AKT3: variants seen among roughly 807,000 people sequenced by gnomAD.
The protein encoded by AKT3 is RAC-gamma serine/threonine-protein kinase.
Under a neutral mutation model 65.3 loss-of-function variants are expected in AKT3, and 15 were observed. The observed-to-expected ratio is 0.23, with a 90% CI of 0.15 to 0.35. AKT3 has a LOEUF of 0.35. AKT3 is among the 10% of genes least tolerant of loss of function. AKT3 has a pLI of 1.00. For synonymous variants in AKT3, 206 were observed against 183.8 expected, an observed-to-expected ratio of 1.12 and a Z score of -0.98; for missense variants, 243 against 576.5, an observed-to-expected ratio of 0.42 and a Z score of 5.92.
At position 243,501,102 on chromosome 1, in the gene AKT3, A is replaced by G. The variant is rs762363178; in HGVS notation, c.*4147T>C. 1 of 231,304 alleles carries G rather than the reference A, an allele frequency of 4.3e-6. No individual in the cohort carries two copies. Among genetic ancestry groups the G allele is most frequent in the Non-Finnish European group, 8.5e-6 (1 of 116,972 alleles). The allele number at this position is 231,304 out of a possible 1,614,324, so 14.3% of individuals were successfully genotyped here. On this transcript the variant is annotated 3_prime_UTR_variant, in exon 14 of 14. Transcript: ENST00000673466. ...TCAAATTTGGCCGTGTGACATACAC[A>G]TACATGCTTGACTCACTCTGGTCCC...
chr1:243,583,383 G>C (rs995550723), intron 8 of AKT3, among the ~76,000 whole-genome samples: 2 of 150,026 alleles, frequency 1.3e-5, no homozygotes, highest in African/African-American at 2.4e-5. Flanking sequence ...AGGCAGAAAA[G>C]TCACACATTC....
At chr1:243,728,668 T>C (rs1466871414) in intron 2 of AKT3, among the ~76,000 whole-genome samples, 5 of 152,172 alleles carry the variant, frequency 3.3e-5, no homozygotes, top group African/African-American at 1.2e-4. Context: ...TTTCAAAGAA[T>C]AACCACTTGA....
chr1:243,556,706 G>A (rs1401148727), intron 10 of AKT3, among the ~76,000 whole-genome samples: 2 of 152,080 alleles, frequency 1.3e-5, no homozygotes, highest in South Asian at 2.1e-4. Flanking sequence ...TACATTTCAG[G>A]TAACTGATAG....
At chr1:243,684,602 G>A (rs1684155521) in intron 3 of AKT3, among the ~76,000 whole-genome samples, 1 of 152,114 alleles carries the variant, frequency 6.6e-6, no homozygotes, top group Non-Finnish European at 1.5e-5. Flanking sequence ...ATTGTGAATA[G>A]GGCTGCAATA....
intron 2 of AKT3, among the ~76,000 whole-genome samples, chr1:243,821,461 A>G (rs1693850407): frequency 1.3e-5 from 2 of 152,192 alleles, no homozygotes; most frequent in Non-Finnish European, 2.9e-5. Flanking sequence ...AATGGGCCAA[A>G]TGTCCCAATT....
chr1:243,756,665 C>CA (rs1219047105), intron 2 of AKT3, among the ~76,000 whole-genome samples: 2 of 152,186 alleles, frequency 1.3e-5, no homozygotes, highest in African/African-American at 4.8e-5. Context: ...CACCACTTGA[C>CA]ATTCATCTTA....
In AKT3 at chr1:243,502,504, A is replaced by G. The variant is rs1426721600; in HGVS notation, c.*2745T>C. 4.3e-6 allele frequency: 1 copy of G among 233,146 alleles called. No individual in the cohort carries two copies. Among genetic ancestry groups the G allele is most frequent in the Non-Finnish European group, 8.5e-6 (1 of 118,030 alleles). 14.4% of individuals were successfully genotyped at this position (233,146 alleles called of 1,614,324 possible). On this transcript the variant is annotated 3_prime_UTR_variant, in exon 14 of 14. Transcript: ENST00000673466. Reference sequence around the variant, plus strand: ...CAGTTAGTATGGGCTGGAGTCTGCAAAGTCTGAACTGTATTCTCATAGAAT... The same window carrying G: ...CAGTTAGTATGGGCTGGAGTCTGCAGAGTCTGAACTGTATTCTCATAGAAT...
intron 4 of AKT3, among the ~76,000 whole-genome samples, chr1:243,659,005 G>T (rs1198066122): frequency 2.0e-5 from 3 of 151,982 alleles, no homozygotes; most frequent in Admixed American, 2.0e-4. Flanking sequence ...ACTACAGCCT[G>T]GCTGACAGAG....
At position 243,795,462 on chromosome 1, in the gene AKT3, GTTTTT is replaced by G. The variant is rs1233986150; in HGVS notation, c.46+47658_46+47662del. 4.2e-3 allele frequency among the ~76,000 whole-genome samples: 438 copies of G among 105,402 alleles called. 4 individuals are homozygous for G. The highest frequency in any genetic ancestry group is 0.018 in the Middle Eastern group (3 of 166). 69.1% of individuals were successfully genotyped at this position (105,402 alleles called of 152,430 possible). On this transcript the variant is annotated intron_variant, in intron 2 of 13. Coordinates refer to ENST00000673466, the MANE Select transcript of AKT3 (RefSeq NM_005465.7). ...CTTGATCTCCTTGTTTTTTTTTTTTGTTTTTTTTTTTTGGTTTTTTTTTTTTTGAG... is the reference window on the plus strand; with the variant it reads ...CTTGATCTCCTTGTTTTTTTTTTTTGTTTTTTTGGTTTTTTTTTTTTTGAG...
chr1:243,768,681 A>G (rs1689979988), intron 2 of AKT3, among the ~76,000 whole-genome samples: 1 of 152,154 alleles, frequency 6.6e-6, no homozygotes, highest in Non-Finnish European at 1.5e-5. Flanking sequence ...CTAAAAATAC[A>G]AAAATGAGCT....
At chr1:243,797,823 A>G (rs1692115093) in intron 2 of AKT3, among the ~76,000 whole-genome samples, 1 of 151,222 alleles carries the variant, frequency 6.6e-6, no homozygotes, top group Non-Finnish European at 1.5e-5. Flanking sequence ...ATAGATCACT[A>G]AACTTCTTTA....
At chr1:243,847,450 C>T (rs1047408980) in intron 1 of AKT3, among the ~76,000 whole-genome samples, 3 of 152,152 alleles carry the variant, frequency 2.0e-5, no homozygotes, top group Admixed American at 6.5e-5. Context: ...TATCTTTTCA[C>T]GAAAATACAC....
upstream of AKT3, among the ~76,000 whole-genome samples, chr1:243,850,740 A>C (rs1339733031): frequency 6.7e-6 from 1 of 148,760 alleles, no homozygotes; most frequent in African/African-American, 2.5e-5. Context: ...CCTCGTCCTC[A>C]GGCTTCCCCG....
At chr1:243,660,634 T>C (rs1419420653) in intron 4 of AKT3, among the ~76,000 whole-genome samples, 19 of 152,250 alleles carry the variant, frequency 1.2e-4, no homozygotes, top group East Asian at 3.9e-4. Flanking sequence ...GGAAGCATTC[T>C]CTTTGAAAAC....
chr1:243,592,350 A>G (rs1200651560), intron 8 of AKT3, among the ~76,000 whole-genome samples: 1 of 151,992 alleles, frequency 6.6e-6, no homozygotes, highest in Non-Finnish European at 1.5e-5. Context: ...AAAAAAAGAC[A>G]AAAAACAAAC....
chr1:243,563,866 T>C lies in AKT3; in HGVS notation c.820-18A>G, dbSNP rs750153115. 71 of 1,598,174 alleles carry C rather than the reference T, an allele frequency of 4.4e-5. No homozygotes were observed. The Middle Eastern group carries it at 8.4e-4, about 19-fold the overall frequency. On this transcript the variant is annotated intron_variant, in intron 9 of 13. Transcript: ENST00000673466. ...TTCTCCAACTGTGTATTAAGAAAAA[T>C]GACATAATTTGTTCTATAGTCTTCA...
intron 1 of AKT3, among the ~76,000 whole-genome samples, chr1:243,845,780 T>C (rs1695495106): frequency 6.6e-6 from 1 of 151,960 alleles, no homozygotes; most frequent in Non-Finnish European, 1.5e-5. Flanking sequence ...CTTGACAGAA[T>C]TTACCCCCAG....
At chr1:243,577,383 G>C (rs980037534) in intron 8 of AKT3, among the ~76,000 whole-genome samples, 3 of 152,148 alleles carry the variant, frequency 2.0e-5, no homozygotes, top group Admixed American at 1.3e-4. Context: ...CTGACCTCAA[G>C]TGATCTGCCC....
intron 12 of AKT3, among the ~76,000 whole-genome samples, chr1:243,544,815 T>C (rs1672553343): frequency 6.6e-6 from 1 of 151,122 alleles, no homozygotes; most frequent in South Asian, 2.1e-4. Flanking sequence ...GCAATTCTCC[T>C]GCCTGCCTTA....
Sources: gnomAD v4.1 joint callset for allele counts (sites outside exome capture counted in the v4.1 genomes callset) on GRCh38, gnomAD v4.1.1 for gene constraint, MANE v1.5 for transcripts, NCBI Gene and HGNC (gene_info 2026-07-23, HGNC 2026-07-21) for gene names.